ATP2A3: variants seen among roughly 807,000 people sequenced by gnomAD.
ATP2A3 encodes the protein sarcoplasmic/endoplasmic reticulum calcium ATPase 3.
In ATP2A3, 61 loss-of-function variants were observed where a neutral mutation model predicts 106.8. The observed-to-expected ratio is 0.57, with a 90% CI of 0.46 to 0.71. The LOEUF (loss-of-function observed/expected upper bound fraction) is 0.71, where lower values mean the gene tolerates loss of function less well. Ranked by LOEUF, ATP2A3 falls within the 30% of genes least tolerant of loss-of-function variation. ATP2A3 has a pLI of 0.00. For synonymous variants in ATP2A3, 611 were observed against 609.3 expected (o/e 1.00, Z -0.04); for missense variants, 1,201 against 1,423.5 (o/e 0.84, Z 2.52).
chr17:3,947,306 C>A lies in ATP2A3; in HGVS notation c.1095+85G>T. On this transcript the variant is annotated intron_variant, in intron 8 of 20. Transcript: ENST00000397041. The surrounding 1 kb of genome is among the most constrained non-coding windows in gnomAD (Gnocchi z 7.7). ...CACAGATTCTCTCCTCCATCCCTCA[C>A]TGAAAAGGAGGTGGGGGAGAGACCC... 1 of 1,507,446 alleles carries A rather than the reference C, an allele frequency of 6.6e-7. No individual in the cohort carries two copies. 93.4% of individuals were successfully genotyped at this position (1,507,446 alleles called of 1,614,324 possible). A position where few individuals can be genotyped will look rare whatever the true frequency, so the allele number is the denominator to read the frequency against.
chr17:3,929,505 C>CT lies in ATP2A3; in HGVS notation c.2745-61_2745-60insA. On this transcript the variant is annotated intron_variant, in intron 18 of 20. Transcript: ENST00000397041. This position sits in a 1 kb window ranked among gnomAD's most constrained non-coding sequence, Gnocchi z 4.3. ...GTGCAGGGAGGCCCTGCCAGGCACC[C>CT]ACCCCCATGGGAGGAGCCTCACCAC... is the stretch of plus-strand genomic sequence containing the variant. The CT allele has an allele frequency of 7.1e-7, 1 of 1,412,862 alleles. No individual in the cohort carries two copies. Among genetic ancestry groups the CT allele is most frequent in the Non-Finnish European group, 9.8e-7 (1 of 1,024,372 alleles). The allele number at this position is 1,412,862 out of a possible 1,614,324, so 87.5% of individuals were successfully genotyped here.
rs1567699964 is a variant in ATP2A3 at position 3,943,283 on chromosome 17, A to AAAACAAAACG, written c.1419+98_1419+107dup. Reference sequence around the variant, plus strand: ...TGAGACTCCGTCTCAAAAAAAAAAAAAAACAAAACGAAACAAAACAAAAAC... The same window carrying AAAACAAAACG: ...TGAGACTCCGTCTCAAAAAAAAAAAAAAACAAAACGAAACAAAACGAAACAAAACAAAAAC... On this transcript the variant is annotated intron_variant, in intron 11 of 20. Coordinates refer to ENST00000397041, the MANE Select transcript of ATP2A3 (RefSeq NM_005173.4). 2.6e-6 allele frequency: 4 copies of AAAACAAAACG among 1,526,476 alleles called. No individual in the cohort carries two copies. In the African/African-American group the frequency reaches 4.2e-5, roughly 16 times the overall value. 94.6% of individuals were successfully genotyped at this position (1,526,476 alleles called of 1,614,324 possible). A position where few individuals can be genotyped will look rare whatever the true frequency, so the allele number is the denominator to read the frequency against.
In ATP2A3 at chr17:3,955,585, G is replaced by A. The variant is rs1292836468; in HGVS notation, c.119-1875C>T. 6.6e-6 allele frequency among the ~76,000 whole-genome samples: 1 copy of A among 152,204 alleles called. No homozygotes were observed. Among genetic ancestry groups the A allele is most frequent in the East Asian group, 1.9e-4 (1 of 5,190 alleles). On this transcript the variant is annotated intron_variant, in intron 1 of 20. Transcript: ENST00000397041. This position sits in a 1 kb window ranked among gnomAD's most constrained non-coding sequence, Gnocchi z 4.2. ...GGGGAGGGCCAGGACTGGTTTCTGG[G>A]CCAATTCTCCAATGGAGCAGTGTGC... is the stretch of plus-strand genomic sequence containing the variant.
intron 1 of ATP2A3, among the ~76,000 whole-genome samples, chr17:3,962,300 G>A (rs1241808647): frequency 2.6e-5 from 4 of 152,172 alleles, no homozygotes; most frequent in Admixed American, 2.0e-4. Context: ...TAACCTCTGG[G>A]TGCCTCCGTT....
rs2054583031 is a variant in ATP2A3 at position 3,953,626 on chromosome 17, G to A, written c.136+67C>T. The A allele has an allele frequency of 4.5e-6, 7 of 1,551,178 alleles. No individual in the cohort carries two copies. In the Admixed American group the frequency reaches 7.8e-5, roughly 17 times the overall value. ...CACTCAGCGGGGAGAAGGAAGTCAT[G>A]ACCAGACAGAGAACGACCCAGGGAT... is the stretch of plus-strand genomic sequence containing the variant. On this transcript the variant is annotated intron_variant, in intron 2 of 20. Coordinates refer to ENST00000397041, the MANE Select transcript of ATP2A3 (RefSeq NM_005173.4). This position sits in a 1 kb window ranked among gnomAD's most constrained non-coding sequence, Gnocchi z 5.1.
intron 14 of ATP2A3, among the ~76,000 whole-genome samples, chr17:3,940,047 T>G (rs1567693887): frequency 9.9e-6 from 1 of 100,522 alleles, no homozygotes. Context: ...TTTTTTGTTT[T>G]TTGTTTTTTT....
Position 3,924,951 on chromosome 17 carries a change from G to T in ATP2A3, c.*471C>A. On this transcript the variant is annotated 3_prime_UTR_variant, in exon 21 of 21. Transcript: ENST00000397041. This position sits in a 1 kb window ranked among gnomAD's most constrained non-coding sequence, Gnocchi z 6.4. ...CCAGGGCTGACCCAGTCCCAGACCA[G>T]GCACGAAGAGAGAGGTCAGAGCCGG... 1 of 412,430 alleles carries T rather than the reference G, an allele frequency of 2.4e-6. No individual in the cohort carries two copies. Among genetic ancestry groups the T allele is most frequent in the Non-Finnish European group, 4.8e-6 (1 of 206,676 alleles). 25.5% of individuals were successfully genotyped at this position (412,430 alleles called of 1,614,324 possible).
intron 7 of ATP2A3, among the ~76,000 whole-genome samples, chr17:3,949,406 A>C (rs1261676662): frequency 6.6e-6 from 1 of 152,186 alleles, no homozygotes; most frequent in African/African-American, 2.4e-5. Flanking sequence ...AGCCAGGTAG[A>C]CCGGGCATCA....
At position 3,926,933 on chromosome 17, in the gene ATP2A3, C is replaced by T; in HGVS notation, c.2981-1492G>A. 5 of 985,478 alleles carry T rather than the reference C, an allele frequency of 5.1e-6. No individual in the cohort carries two copies. Among genetic ancestry groups the T allele is most frequent in the Non-Finnish European group, 4.8e-6 (4 of 829,944 alleles). 61.0% of individuals were successfully genotyped at this position (985,478 alleles called of 1,614,324 possible). Reference sequence around the variant, plus strand: ...CACAGTCCGCACCGTGCTTACACTCCTCCCGTGCTTCCCCACTGCCCTGAG... The same window carrying T: ...CACAGTCCGCACCGTGCTTACACTCTTCCCGTGCTTCCCCACTGCCCTGAG... On this transcript the variant is annotated intron_variant, in intron 20 of 20. Transcript: ENST00000397041. This position sits in a 1 kb window ranked among gnomAD's most constrained non-coding sequence, Gnocchi z 4.6.
chr17:3,936,493 GC>G lies in ATP2A3; in HGVS notation c.2322-25del. 1 of 1,612,300 alleles carries G rather than the reference GC, an allele frequency of 6.2e-7. No individual in the cohort carries two copies. Among genetic ancestry groups the G allele is most frequent in the Non-Finnish European group, 8.5e-7 (1 of 1,179,230 alleles). On this transcript the variant is annotated intron_variant, in intron 15 of 20. Transcript: ENST00000397041. This position sits in a 1 kb window ranked among gnomAD's most constrained non-coding sequence, Gnocchi z 5.4. ...TGCTGGAACAGAGTCATGAGCTCTA[GC>G]CCCGGTAGGCCTAGCCCCCGGCAGA...
chr17:3,926,053 G>A lies in ATP2A3; in HGVS notation c.2981-612C>T, dbSNP rs1597552733. Among the ~76,000 whole-genome samples, 2 of 151,914 alleles carry A rather than the reference G, an allele frequency of 1.3e-5. No individual in the cohort carries two copies. The highest frequency in any genetic ancestry group is 2.1e-4 in the South Asian group (1 of 4,812). On this transcript the variant is annotated intron_variant, in intron 20 of 20. Transcript: ENST00000397041. The surrounding 1 kb of genome is among the most constrained non-coding windows in gnomAD (Gnocchi z 4.6). ...ACAACCACCACAGCCCAGCCCCCAC[G>A]CCTCCCCTGACAACTGCTCAGCCAC...
intron 11 of ATP2A3, 103 bp from the exon 12 acceptor site, chr17:3,942,834 G>A: frequency 6.5e-7 from 1 of 1,547,906 alleles, no homozygotes; most frequent in Non-Finnish European, 8.8e-7. Context: ...GCTCTGTGTG[G>A]GATGACATCT....
intron 15 of ATP2A3, chr17:3,937,038 C>T: frequency 2.7e-6 from 1 of 365,038 alleles, no homozygotes; most frequent in Non-Finnish European, 5.3e-6. Context: ...ACACACACCT[C>T]TCACTCAGGC....
Position 3,924,903 on chromosome 17 carries a change from C to T in ATP2A3, c.*519G>A. On this transcript the variant is annotated 3_prime_UTR_variant, in exon 21 of 21. Transcript: ENST00000397041. The surrounding 1 kb of genome is among the most constrained non-coding windows in gnomAD (Gnocchi z 6.4). Reference sequence around the variant, plus strand: ...CCCACCCTCGCTGTACACAGCTGGGCCCAGATGGCCCCTTCTGATCCCCCA... The same window carrying T: ...CCCACCCTCGCTGTACACAGCTGGGTCCAGATGGCCCCTTCTGATCCCCCA... 6.6e-6 allele frequency: 3 copies of T among 454,058 alleles called. No individual in the cohort carries two copies. Among genetic ancestry groups the T allele is most frequent in the South Asian group, 4.7e-5 (3 of 64,088 alleles). The allele number at this position is 454,058 out of a possible 1,614,324, so 28.1% of individuals were successfully genotyped here.
At chr17:3,958,767 T>TACATATACAC (rs2054940290) in intron 1 of ATP2A3, among the ~76,000 whole-genome samples, 1 of 145,498 alleles carries the variant, frequency 6.9e-6, no homozygotes, top group African/African-American at 2.5e-5. Flanking sequence ...TACACACACA[T>TACATATACAC]ATATATACAC....
rs772116856 is a variant in ATP2A3 at position 3,936,438 on chromosome 17, C to T, written c.2353G>A (p.Glu785Lys). The change falls in exon 16 of 21, where the codon GAA becomes AAA. Residue 785 changes from glutamate to lysine, a missense_variant. This residue lies in a region of ATP2A3 where 935 missense variants were observed against 1,176.7 expected (regional missense o/e 0.79). Coordinates refer to ENST00000397041, the MANE Select transcript of ATP2A3 (RefSeq NM_005173.4). This position sits in a 1 kb window ranked among gnomAD's most constrained non-coding sequence, Gnocchi z 5.4. ...AGCAGCTGCACAGGGATCAGGGCTT[C>T]GGGCAGGCCCAGAATTGCCGTGAGG... ...IFLTAILGLPEALIPVQLLWV... is the reference protein window; with the variant it reads ...IFLTAILGLPKALIPVQLLWV... 13 of 1,614,062 alleles carry T rather than the reference C, an allele frequency of 8.1e-6. No homozygotes were observed. The highest frequency in any genetic ancestry group is 2.7e-5 in the African/African-American group (2 of 75,026).
Position 3,926,940 on chromosome 17 carries a change from G to A in ATP2A3, c.2981-1499C>T, listed in dbSNP as rs1416495077. The A allele has an allele frequency of 2.0e-6, 2 of 985,316 alleles. No individual in the cohort carries two copies. The highest frequency in any genetic ancestry group is 2.4e-6 in the Non-Finnish European group (2 of 829,952). 61.0% of individuals were successfully genotyped at this position (985,316 alleles called of 1,614,324 possible). A position where few individuals can be genotyped will look rare whatever the true frequency, so the allele number is the denominator to read the frequency against. On this transcript the variant is annotated intron_variant, in intron 20 of 20. Coordinates refer to ENST00000397041, the MANE Select transcript of ATP2A3 (RefSeq NM_005173.4). The surrounding 1 kb of genome is among the most constrained non-coding windows in gnomAD (Gnocchi z 4.6). ...CGCACCGTGCTTACACTCCTCCCGT[G>A]CTTCCCCACTGCCCTGAGGACAATG... is the stretch of plus-strand genomic sequence containing the variant.
Position 3,953,672 on chromosome 17 carries a change from C to T in ATP2A3, c.136+21G>A. The T allele has an allele frequency of 1.3e-6, 2 of 1,561,674 alleles. No homozygotes were observed. Reference sequence around the variant, plus strand: ...GGGATGCTGCCCGCGGCCTAGAGGTCCATCCCGGTGCCAGCCTCACCTTCC... The same window carrying T: ...GGGATGCTGCCCGCGGCCTAGAGGTTCATCCCGGTGCCAGCCTCACCTTCC... On this transcript the variant is annotated intron_variant, in intron 2 of 20. Transcript: ENST00000397041. The surrounding 1 kb of genome is among the most constrained non-coding windows in gnomAD (Gnocchi z 5.1).
chr17:3,957,342 G>A (rs951231053), intron 1 of ATP2A3, among the ~76,000 whole-genome samples: 1 of 152,168 alleles, frequency 6.6e-6, no homozygotes, highest in African/African-American at 2.4e-5. Context: ...CCTGCTGTGG[G>A]CCTCCGATGC....
Sources: gnomAD v4.1 joint callset for allele counts (sites outside exome capture counted in the v4.1 genomes callset) on GRCh38, gnomAD v4.1.1 for gene constraint, gnomAD v4.1.1 regional missense constraint, Gnocchi (gnomAD v3.1) non-coding constraint, MANE v1.5 for transcripts, NCBI Gene and HGNC (gene_info 2026-07-23, HGNC 2026-07-21) for gene names.